Variants in MYT1L observed in about 807,000 individuals in gnomAD.
The protein encoded by MYT1L is myelin transcription factor 1 like, also known as myelin transcription factor 1-like protein.
MYT1L carries 12 observed loss-of-function variants against 126.7 expected under a neutral mutation model. The ratio of observed to expected loss-of-function variants is 0.09; its 90% CI spans 0.06 to 0.15. The LOEUF (loss-of-function observed/expected upper bound fraction) is 0.15, where lower values mean the gene tolerates loss of function less well. MYT1L is among the 10% of genes least tolerant of loss of function. The pLI is 1.00. For synonymous variants in MYT1L, 541 were observed against 604.2 expected, an observed-to-expected ratio of 0.90 and a Z score of 1.53; for missense variants, 979 against 1,585.2, an observed-to-expected ratio of 0.62 and a Z score of 6.49.
intron 22 of MYT1L, among the ~76,000 whole-genome samples, chr2:1,804,558 G>A (rs1336053620): frequency 2.6e-5 from 4 of 152,192 alleles, no homozygotes; most frequent in Admixed American, 2.6e-4. Flanking sequence ...CCACCCACTG[G>A]ACACCAAAGC....
rs1256478443 is a variant in MYT1L at position 1,956,449 on chromosome 2, CT to C, written c.153-13116del. ...ATCTATCTATCTATCTACCTATCAT[CT>C]ATCTATCCTATTCTATATTTCCTAT... On this transcript the variant is annotated intron_variant, in intron 8 of 24. Transcript: ENST00000647738. Among the ~76,000 whole-genome samples, 27 of 134,600 alleles carry C rather than the reference CT, an allele frequency of 2.0e-4. 4 individuals carry two copies. Among genetic ancestry groups the C allele is most frequent in the Non-Finnish European group, 3.5e-4 (22 of 62,128 alleles). The allele number at this position is 134,600 out of a possible 152,430, so 88.3% of individuals were successfully genotyped here.
At chr2:1,959,052 G>C (rs73188455) in intron 8 of MYT1L, among the ~76,000 whole-genome samples, 4 of 152,128 alleles carry the variant, frequency 2.6e-5, no homozygotes, top group African/African-American at 9.7e-5. Context: ...AATCCCTCTG[G>C]GGATGTCAGC....
At chr2:1,870,490 A>G (rs1376744739) in intron 18 of MYT1L, among the ~76,000 whole-genome samples, 1 of 152,180 alleles carries the variant, frequency 6.6e-6, no homozygotes, top group Non-Finnish European at 1.5e-5. Flanking sequence ...TGCTGGCACT[A>G]GGAGCTTGTG....
chr2:2,182,606 A>G (rs2091655720), intron 2 of MYT1L, among the ~76,000 whole-genome samples: 1 of 152,164 alleles, frequency 6.6e-6, no homozygotes, highest in Non-Finnish European at 1.5e-5. Flanking sequence ...GGAGGGCTGG[A>G]GGCTTAGAAG....
chr2:2,061,278 A>G lies in MYT1L; in HGVS notation c.-303-7155T>C, dbSNP rs188783675. On this transcript the variant is annotated intron_variant, in intron 3 of 24. Transcript: ENST00000647738. ...CCTGCAGCCTGGCTGTGGGGGCCGC[A>G]GTGGCTGAGGGGTGCAGAGCCGAGT... is the stretch of plus-strand genomic sequence containing the variant. 3.3e-5 allele frequency among the ~76,000 whole-genome samples: 5 copies of G among 152,284 alleles called. No individual in the cohort carries two copies. In the East Asian group the frequency reaches 9.7e-4, roughly 29 times the overall value.
intron 3 of MYT1L, among the ~76,000 whole-genome samples, chr2:2,132,767 A>C (rs1343470535): frequency 1.3e-5 from 2 of 152,188 alleles, no homozygotes; most frequent in Admixed American, 1.3e-4. Context: ...AGAGACAAAG[A>C]GAGAGAAAGA....
chr2:2,138,025 C>T (rs561250870), intron 3 of MYT1L, among the ~76,000 whole-genome samples: 5 of 152,132 alleles, frequency 3.3e-5, no homozygotes, highest in Non-Finnish European at 7.3e-5. Flanking sequence ...AAAAAGTGGG[C>T]AAAGGACATG....
At chr2:2,236,821 T>G (rs1226879162) in intron 2 of MYT1L, among the ~76,000 whole-genome samples, 3 of 129,032 alleles carry the variant, frequency 2.3e-5, no homozygotes, top group Non-Finnish European at 4.7e-5. Flanking sequence ...CTTCTTTTTT[T>G]TTTTTTTTTT....
intron 3 of MYT1L, among the ~76,000 whole-genome samples, chr2:2,095,505 G>A (rs2077350408): frequency 2.0e-5 from 3 of 152,282 alleles, no homozygotes; most frequent in Middle Eastern, 3.4e-3. Context: ...CACCCCAGAA[G>A]CAGTGTCAGC....
chr2:2,235,804 G>T (rs2094282559), intron 2 of MYT1L, among the ~76,000 whole-genome samples: 1 of 152,048 alleles, frequency 6.6e-6, no homozygotes, highest in South Asian at 2.1e-4. Flanking sequence ...ATTTTTATAA[G>T]GTACGCCCCT....
chr2:1,979,852 C>T lies in MYT1L; in HGVS notation c.1-75G>A. On this transcript the variant is annotated intron_variant, in intron 5 of 24. Coordinates refer to ENST00000647738, the MANE Select transcript of MYT1L (RefSeq NM_001303052.2). This position sits in a 1 kb window ranked among gnomAD's most constrained non-coding sequence, Gnocchi z 4.0. Reference sequence around the variant, plus strand: ...CAGCCCTGCAGGGGCGGCTCACTCTCCCTGGCATTCTATTAATGGGGCTTT... The same window carrying T: ...CAGCCCTGCAGGGGCGGCTCACTCTTCCTGGCATTCTATTAATGGGGCTTT... The T allele has an allele frequency of 1.4e-6, 2 of 1,452,420 alleles. No homozygotes were observed. Among genetic ancestry groups the T allele is most frequent in the Non-Finnish European group, 9.6e-7 (1 of 1,040,952 alleles). 90.0% of individuals were successfully genotyped at this position (1,452,420 alleles called of 1,614,324 possible).
chr2:2,325,761 C>T (rs2096239062), intron 1 of MYT1L: 1 of 152,272 alleles, frequency 6.6e-6, no homozygotes. Flanking sequence ...ACAACAACTC[C>T]GGGCAGCATG....
At chr2:1,869,033 G>A (rs986021263) in intron 18 of MYT1L, among the ~76,000 whole-genome samples, 1 of 152,240 alleles carries the variant, frequency 6.6e-6, no homozygotes, top group Non-Finnish European at 1.5e-5. Flanking sequence ...GCTTCCGCAG[G>A]CCATGGGTGC....
At chr2:1,839,014 A>T in intron 21 of MYT1L, 135 bp downstream of exon 21, 1 of 782,666 alleles carries the variant, frequency 1.3e-6, no homozygotes, top group Non-Finnish European at 2.0e-6. Flanking sequence ...TTAGGTTGGT[A>T]CGATAGTTTT....
At chr2:2,071,323 C>T (rs772363228) in intron 3 of MYT1L, among the ~76,000 whole-genome samples, 2 of 152,102 alleles carry the variant, frequency 1.3e-5, no homozygotes, top group Non-Finnish European at 2.9e-5. Context: ...TTAATCATCA[C>T]TGATTCATTA....
At position 1,887,692 on chromosome 2, in the gene MYT1L, G is replaced by T. The variant is rs2048328098; in HGVS notation, c.2521-83C>A. 1 of 1,554,702 alleles carries T rather than the reference G, an allele frequency of 6.4e-7. No homozygotes were observed. Among genetic ancestry groups the T allele is most frequent in the African/African-American group, 1.4e-5 (1 of 73,690 alleles). ...GGGAGGTGGTTCGTGGCTCTGGGGT[G>T]GCCTCTACATCTTACACCTCTTTCT... On this transcript the variant is annotated intron_variant, in intron 16 of 24. Coordinates refer to ENST00000647738, the MANE Select transcript of MYT1L (RefSeq NM_001303052.2). The surrounding 1 kb of genome is among the most constrained non-coding windows in gnomAD (Gnocchi z 4.8).
chr2:2,314,380 T>C (rs1027681732), intron 1 of MYT1L, among the ~76,000 whole-genome samples: 5 of 152,116 alleles, frequency 3.3e-5, no homozygotes, highest in Non-Finnish European at 7.4e-5. Context: ...GAACACTACA[T>C]CTATTTACCA....
At chr2:1,896,665 G>A (rs978327593) in intron 14 of MYT1L, among the ~76,000 whole-genome samples, 1 of 152,126 alleles carries the variant, frequency 6.6e-6, no homozygotes, top group African/African-American at 2.4e-5. Flanking sequence ...ATAAACATGG[G>A]AACAATCGAC....
chr2:1,997,525 T>TA (rs1350581192), intron 4 of MYT1L, among the ~76,000 whole-genome samples, 178 bp from the exon 5 acceptor site: 1 of 152,262 alleles, frequency 6.6e-6, no homozygotes, highest in Non-Finnish European at 1.5e-5. Flanking sequence ...TTTATTCTCC[T>TA]AGGCTTGACG....
Sources: allele counts gnomAD v4.1 joint callset (sites outside exome capture counted in the v4.1 genomes callset), GRCh38; gene constraint gnomAD v4.1.1; non-coding constraint Gnocchi (gnomAD v3.1); transcripts MANE v1.5; gene names NCBI Gene and HGNC (gene_info 2026-07-23, HGNC 2026-07-21).